The following INTS7 variants were observed in gnomAD, a reference collection of about 807,000 sequenced individuals.
INTS7 encodes chromosome 1 open reading frame 73.
INTS7 carries 46 observed loss-of-function variants against 109.2 expected under a neutral mutation model. The ratio of observed to expected loss-of-function variants is 0.42; its 90% confidence interval spans 0.33 to 0.54. The LOEUF is 0.54. Among genes scored for constraint, INTS7 ranks in the 20% least tolerant of loss-of-function variants. INTS7 has a pLI of 0.07. For synonymous variants in INTS7, 412 were observed against 402.9 expected (o/e 1.02, Z -0.27); for missense variants, 929 against 1,132.4 (o/e 0.82, Z 2.58).
At chr1:211,944,312 G>A (rs907731880) in intron 19 of INTS7, among the ~76,000 whole-genome samples, 3 of 152,138 alleles carry the variant, frequency 2.0e-5, no homozygotes, top group East Asian at 3.9e-4. Context: ...GGGAGGAGGT[G>A]AGTCTTGCTG....
At chr1:211,975,657 C>T (rs34836942) in intron 12 of INTS7, among the ~76,000 whole-genome samples, 9,396 of 152,114 alleles carry the variant, frequency 0.062, 442 homozygotes, top group African/African-American at 0.13. Context: ...GAACTTTAGC[C>T]CAAAATACAG....
intron 1 of INTS7, among the ~76,000 whole-genome samples, chr1:212,028,045 TCA>T (rs1454657946): frequency 6.6e-6 from 1 of 152,188 alleles, no homozygotes; most frequent in Non-Finnish European, 1.5e-5. Flanking sequence ...CAGGCCAATC[TCA>T]AACTCCCAAC....
rs548928367 is a variant in INTS7, at chr1:211,988,351, G to T, written c.880-348C>A. Among the ~76,000 whole-genome samples the T allele has an allele frequency of 1.4e-3, 214 of 151,816 alleles. 1 individual carries two copies. The highest frequency in any genetic ancestry group is 0.012 in the South Asian group (57 of 4,798). On this transcript the variant is annotated intron_variant, in intron 7 of 19. Transcript: ENST00000366994. ...GCAGAAGGATCGCTCAAGCCCAGGA[G>T]GTCGAGACTGCTATAAACCATGTTC...
chr1:211,968,553 A>G lies in INTS7; in HGVS notation c.1970T>C (p.Leu657Ser). The part of the protein sequence containing the change: ...PAIATTIAMT[L>S]GNDLQRCGRI... The stretch of plus-strand genomic sequence containing the variant: ...ACCACACCTCTGGAGGTCATTTCCT[A>G]AGGTCATGGCAATTGTTGTGGCAAT... Residue 657 changes from leucine (L) to serine (S), a missense_variant, in exon 14 of 20, where the codon TTA (leucine) becomes TCA (serine). Coordinates refer to ENST00000366994, the MANE Select transcript of INTS7 (RefSeq NM_015434.4). The G allele has an allele frequency of 6.2e-7, 1 of 1,614,068 alleles. No individual in the cohort carries two copies. Among genetic ancestry groups the G allele is most frequent in the Non-Finnish European group, 8.5e-7 (1 of 1,179,964 alleles).
At position 211,982,719 on chromosome 1, in the gene INTS7, T is replaced by A; in HGVS notation, c.1089A>T (p.Gly363=). The A allele has an allele frequency of 1.2e-6, 2 of 1,612,302 alleles. No homozygotes were observed. Among genetic ancestry groups the A allele is most frequent in the East Asian group, 2.2e-5 (1 of 44,786 alleles). Residue 363 remains glycine, a synonymous_variant, in exon 9 of 20, where the codon GGA becomes GGT. Coordinates refer to ENST00000366994, the MANE Select transcript of INTS7 (RefSeq NM_015434.4). ...CAGTTATATTAGTTAGGACTCTAAC[T>A]CCATGAGCTGCAATGCCCCTGTTAT... ...YHNNRGIAAH[G]VRVLTNITVS...
At chr1:212,003,227 C>T (rs12122488) in intron 7 of INTS7, among the ~76,000 whole-genome samples, 10,263 of 134,914 alleles carry the variant, frequency 0.076, 443 homozygotes, top group Admixed American at 0.17. Context: ...ATAGTCTAGA[C>T]AGTTTAAAAA....
At chr1:211,957,859 T>C (rs981304760) in intron 16 of INTS7, among the ~76,000 whole-genome samples, 3 of 152,126 alleles carry the variant, frequency 2.0e-5, no homozygotes, top group African/African-American at 7.2e-5. Flanking sequence ...TTTATGGCTC[T>C]ACTGGCTTGT....
At chr1:211,993,634 G>A (rs777462486) in intron 7 of INTS7, among the ~76,000 whole-genome samples, 2 of 148,402 alleles carry the variant, frequency 1.3e-5, no homozygotes, top group African/African-American at 2.5e-5. Context: ...GAGCTGAGAC[G>A]GCATCACTGC....
At position 211,959,613 on chromosome 1, in the gene INTS7, C is replaced by T. The variant is rs890824632; in HGVS notation, c.2183+6817G>A. ...ACAAGTGCACGTTCACCTTGCCCTGCCACTGCTGCTGGTGCATTCTGCCCC... is the reference window on the plus strand; with the variant it reads ...ACAAGTGCACGTTCACCTTGCCCTGTCACTGCTGCTGGTGCATTCTGCCCC... On this transcript the variant is annotated intron_variant, in intron 16 of 19. Transcript: ENST00000366994. The surrounding 1 kb of genome is among the most constrained non-coding windows in gnomAD (Gnocchi z 4.2). 4.6e-5 allele frequency among the ~76,000 whole-genome samples: 7 copies of T among 152,302 alleles called. No individual in the cohort carries two copies. In the South Asian group the frequency reaches 1.0e-3, roughly 23 times the overall value.
chr1:211,968,064 C>T, intron 14 of INTS7, 83 bp from the exon 15 acceptor site: 2 of 665,292 alleles, frequency 3.0e-6, no homozygotes, highest in South Asian at 4.2e-5. Context: ...AAAAAAAGCA[C>T]CTTCAAACAA....
intron 16 of INTS7, among the ~76,000 whole-genome samples, chr1:211,957,289 T>C (rs879545927): frequency 1.3e-5 from 2 of 151,522 alleles, no homozygotes; most frequent in African/African-American, 2.5e-5. Context: ...CTCATGCCTA[T>C]AATCCCAGCA....
chr1:211,970,333 T>C (rs1664116997), intron 13 of INTS7, among the ~76,000 whole-genome samples: 1 of 152,212 alleles, frequency 6.6e-6, no homozygotes, highest in South Asian at 2.1e-4. Context: ...TAGCACTATG[T>C]AGTTTTAACA....
intron 8 of INTS7, among the ~76,000 whole-genome samples, chr1:211,987,669 C>T (rs1010388688): frequency 5.3e-5 from 8 of 151,828 alleles, no homozygotes; most frequent in East Asian, 3.9e-4. Flanking sequence ...AAGGACAAAC[C>T]TAGAAAAATA....
intron 16 of INTS7, among the ~76,000 whole-genome samples, chr1:211,953,419 CTTTAAG>C (rs1285022767): frequency 2.0e-5 from 3 of 151,076 alleles, no homozygotes; most frequent in Non-Finnish European, 4.4e-5. Context: ...TATCATTATA[CTTTAAG>C]TTTTAGGGTA....
At chr1:212,011,561 G>C (rs973808839) in intron 4 of INTS7, 140 bp from the exon 5 acceptor site, 22 of 617,720 alleles carry the variant, frequency 3.6e-5, no homozygotes, top group African/African-American at 2.8e-4. Flanking sequence ...TCAGGTGCTC[G>C]GGTTAGGGGA....
chr1:212,015,057 T>C (rs1666353068), intron 4 of INTS7, among the ~76,000 whole-genome samples: 1 of 150,700 alleles, frequency 6.6e-6, no homozygotes, highest in Non-Finnish European at 1.5e-5. Flanking sequence ...GAGGAGCGCC[T>C]CCGCCCGGCA....
At chr1:211,995,603 A>T (rs565267972) in intron 7 of INTS7, among the ~76,000 whole-genome samples, 2 of 152,352 alleles carry the variant, frequency 1.3e-5, no homozygotes, top group Admixed American at 1.3e-4. Flanking sequence ...CTCTCTATGG[A>T]ATAAGACAGC....
chr1:211,973,805 GT>G (rs1461922829), intron 13 of INTS7, among the ~76,000 whole-genome samples: 2 of 152,124 alleles, frequency 1.3e-5, no homozygotes, highest in Non-Finnish European at 2.9e-5. Context: ...TAAAAACAGT[GT>G]TTGACACATA....
intron 13 of INTS7, among the ~76,000 whole-genome samples, chr1:211,971,955 AAAAG>A (rs1664198665): frequency 6.6e-6 from 1 of 151,488 alleles, no homozygotes; most frequent in African/African-American, 2.4e-5. Flanking sequence ...AAGAAAAAGA[AAAAG>A]AAAAAATTAT....
Sources: gnomAD v4.1 joint callset for allele counts (sites outside exome capture counted in the v4.1 genomes callset) on GRCh38, gnomAD v4.1.1 for gene constraint, Gnocchi (gnomAD v3.1) non-coding constraint, MANE v1.5 for transcripts, NCBI Gene and HGNC (gene_info 2026-07-23, HGNC 2026-07-21) for gene names.